Variants in PTPRT observed in about 807,000 individuals in gnomAD.
The protein encoded by PTPRT is protein tyrosine phosphatase receptor type T, also known as receptor-type tyrosine-protein phosphatase T.
PTPRT carries 56 observed loss-of-function variants against 176.8 expected under a neutral mutation model. That is an observed-to-expected ratio of 0.32 (90% CI 0.26 to 0.40). The LOEUF is 0.40. Among genes scored for constraint, PTPRT ranks in the 10% least tolerant of loss-of-function variants. The probability of loss-of-function intolerance (pLI) is 1.00; values close to 1 mark genes in which losing one functional copy is unlikely to be tolerated. For synonymous variants in PTPRT, 783 were observed against 739.0 expected (o/e 1.06, Z -0.96); for missense variants, 1,540 against 1,908.2 (o/e 0.81, Z 3.60).
chr20:43,120,518 G>A (rs550653637), intron 1 of PTPRT, among the ~76,000 whole-genome samples: 81 of 152,262 alleles, frequency 5.3e-4, no homozygotes, highest in Non-Finnish European at 9.3e-4. Context: ...TGATCCGCCC[G>A]CCTCGGTCTC....
At chr20:42,335,268 C>A (rs1195671889) in intron 11 of PTPRT, among the ~76,000 whole-genome samples, 2 of 152,090 alleles carry the variant, frequency 1.3e-5, no homozygotes, top group East Asian at 3.9e-4. Flanking sequence ...TGCCCTCTAC[C>A]CCTTAGGCAG....
intron 13 of PTPRT, among the ~76,000 whole-genome samples, chr20:42,279,265 C>T (rs2057100139): frequency 6.6e-6 from 1 of 152,004 alleles, no homozygotes; most frequent in Non-Finnish European, 1.5e-5. Flanking sequence ...CCTAATCAAA[C>T]ATCCTTATTG....
intron 8 of PTPRT, among the ~76,000 whole-genome samples, chr20:42,449,332 G>A (rs1246259250): frequency 2.0e-5 from 3 of 152,078 alleles, no homozygotes; most frequent in Admixed American, 6.6e-5. Context: ...TCTATAAGCC[G>A]GTCAGTCTTC....
At position 42,270,511 on chromosome 20, in the gene PTPRT, C is replaced by A. The variant is rs532648702; in HGVS notation, c.2176+11978G>T. On this transcript the variant is annotated intron_variant, in intron 13 of 30. Coordinates refer to ENST00000373187, the MANE Select transcript of PTPRT (RefSeq NM_007050.6). ...TGCAGAAGAGAAGGAGAGAAAGAAACACACATGAAAACGTGCAGCACGGTG... is the reference window on the plus strand; with the variant it reads ...TGCAGAAGAGAAGGAGAGAAAGAAAAACACATGAAAACGTGCAGCACGGTG... 928 of 1,491,788 alleles carry A rather than the reference C, an allele frequency of 6.2e-4. 2 individuals are homozygous for A. The highest frequency in any genetic ancestry group is 7.7e-4 in the Non-Finnish European group (839 of 1,093,700). The allele number at this position is 1,491,788 out of a possible 1,614,324, so 92.4% of individuals were successfully genotyped here.
intron 1 of PTPRT, among the ~76,000 whole-genome samples, chr20:42,966,856 T>G (rs1193511921): frequency 7.2e-5 from 11 of 152,228 alleles, no homozygotes; most frequent in Admixed American, 5.2e-4. Context: ...AGAGATTGTT[T>G]CAGTGTACCT....
At chr20:43,000,739 C>G (rs1984515694) in intron 1 of PTPRT, among the ~76,000 whole-genome samples, 1 of 151,914 alleles carries the variant, frequency 6.6e-6, no homozygotes, top group Non-Finnish European at 1.5e-5. Context: ...CAACAAGGAT[C>G]TAGAATGAGC....
rs115370640 is a variant in PTPRT, at chr20:42,971,767, T to C, written c.89-85835A>G. ...GTGACTTAGACCCGAGGTAACTTTT[T>C]CTGATTCACACAAAAGAACCATATG... On this transcript the variant is annotated intron_variant, in intron 1 of 30. Transcript: ENST00000373187. Among the ~76,000 whole-genome samples, 1,051 of 152,258 alleles carry C rather than the reference T, an allele frequency of 6.9e-3. 15 individuals are homozygous for C. The highest frequency in any genetic ancestry group is 0.024 in the African/African-American group (995 of 41,556).
At chr20:42,253,141 G>C (rs897169942) in intron 13 of PTPRT, among the ~76,000 whole-genome samples, 4 of 152,180 alleles carry the variant, frequency 2.6e-5, no homozygotes. Context: ...ACAGAGGATG[G>C]GAGGGTCCCG....
chr20:42,447,052 G>T (rs542610217), intron 9 of PTPRT, among the ~76,000 whole-genome samples: 1 of 152,252 alleles, frequency 6.6e-6, no homozygotes, highest in Non-Finnish European at 1.5e-5. Context: ...GAGGTTATCG[G>T]TCTGTTAGAT....
intron 7 of PTPRT, among the ~76,000 whole-genome samples, chr20:42,662,350 T>C (rs1252840579): frequency 1.3e-5 from 2 of 152,126 alleles, no homozygotes; most frequent in African/African-American, 4.8e-5. Context: ...TAGAGTTCTA[T>C]GGTCAGCTGG....
chr20:42,587,661 C>A (rs1483242264), intron 7 of PTPRT, among the ~76,000 whole-genome samples: 1 of 152,200 alleles, frequency 6.6e-6, no homozygotes, highest in Non-Finnish European at 1.5e-5. Flanking sequence ...AGACTCAGCC[C>A]TCACCTTGGC....
At chr20:42,594,042 G>A (rs1325522075) in intron 7 of PTPRT, among the ~76,000 whole-genome samples, 1 of 152,130 alleles carries the variant, frequency 6.6e-6, no homozygotes, top group Non-Finnish European at 1.5e-5. Context: ...GAGTACCGGA[G>A]GAGAAGGGAA....
intron 1 of PTPRT, among the ~76,000 whole-genome samples, chr20:42,938,874 G>T (rs1474125489): frequency 6.6e-6 from 1 of 152,160 alleles, no homozygotes; most frequent in Non-Finnish European, 1.5e-5. Context: ...AGGAAGGAAA[G>T]AAAAGAAACC....
At chr20:42,696,455 A>ATGATTTTTTAT (rs141605241) in intron 6 of PTPRT, among the ~76,000 whole-genome samples, 30 of 147,102 alleles carry the variant, frequency 2.0e-4, no homozygotes, top group African/African-American at 7.7e-4. Flanking sequence ...AGCCACATGA[A>ATGATTTTTTAT]TTATTTTTTT....
rs2056162658 is a variant in PTPRT at position 42,232,814 on chromosome 20, A to C, written c.2342+3415T>G. Among the ~76,000 whole-genome samples, 4 of 73,802 alleles carry C rather than the reference A, an allele frequency of 5.4e-5. No homozygotes were observed. In the South Asian group the frequency reaches 1.3e-3, roughly 25 times the overall value. The allele number at this position is 73,802 out of a possible 152,430, so 48.4% of individuals were successfully genotyped here. A position where few individuals can be genotyped will look rare whatever the true frequency, so the allele number is the denominator to read the frequency against. On this transcript the variant is annotated intron_variant, in intron 15 of 30. Coordinates refer to ENST00000373187, the MANE Select transcript of PTPRT (RefSeq NM_007050.6). ...GTATCATGTTTCTTCTCTGTTTTAC[A>C]AAAAAAAAAAAAAAAAAAAAAAGGT...
intron 9 of PTPRT, among the ~76,000 whole-genome samples, chr20:42,423,652 A>T (rs1047235680): frequency 9.2e-5 from 14 of 152,208 alleles, no homozygotes; most frequent in African/African-American, 3.4e-4. Flanking sequence ...AACTTATTTG[A>T]AGGAAATAAT....
intron 2 of PTPRT, among the ~76,000 whole-genome samples, chr20:42,864,420 C>T (rs2078711535): frequency 1.3e-5 from 2 of 152,158 alleles, no homozygotes; most frequent in South Asian, 4.1e-4. Flanking sequence ...TACCAAGGCA[C>T]CTCCATGCTG....
intron 7 of PTPRT, among the ~76,000 whole-genome samples, chr20:42,590,433 C>A (rs1433033564): frequency 6.6e-6 from 1 of 152,148 alleles, no homozygotes; most frequent in Non-Finnish European, 1.5e-5. Context: ...CTACTATGTG[C>A]CAGGCATTGT....
chr20:42,602,714 C>G lies in PTPRT; in HGVS notation c.1153+75152G>C, dbSNP rs554495356. ...CTACATATGCTCCTCTTTCATGAAGCCTTCCTGGCCACCCCACAAACAATG... is the reference window on the plus strand; with the variant it reads ...CTACATATGCTCCTCTTTCATGAAGGCTTCCTGGCCACCCCACAAACAATG... On this transcript the variant is annotated intron_variant, in intron 7 of 30. Transcript: ENST00000373187. 3.6e-4 allele frequency among the ~76,000 whole-genome samples: 54 copies of G among 152,088 alleles called. 1 individual carries two copies. The highest frequency in any genetic ancestry group is 3.5e-3 in the South Asian group (17 of 4,800).
Sources: allele counts gnomAD v4.1 joint callset (sites outside exome capture counted in the v4.1 genomes callset), GRCh38; gene constraint gnomAD v4.1.1; transcripts MANE v1.5; gene names NCBI Gene and HGNC (gene_info 2026-07-23, HGNC 2026-07-21).